CPNE4: variants seen among roughly 807,000 people sequenced by gnomAD.
CPNE4 encodes the protein copine 4.
In CPNE4, 25 loss-of-function variants were observed where a neutral mutation model predicts 67.9. The observed-to-expected ratio is 0.37, with a 90% CI of 0.27 to 0.51. The LOEUF is 0.51. CPNE4 is among the 20% of genes least tolerant of loss of function. CPNE4 has a pLI of 0.93. For missense variants in CPNE4, 464 were observed against 690.8 expected, an observed-to-expected ratio of 0.67 and a Z score of 3.68; for synonymous variants, 242 against 244.9, an observed-to-expected ratio of 0.99 and a Z score of 0.11.
At chr3:131,687,709 G>T (rs1250532654) in intron 5 of CPNE4, among the ~76,000 whole-genome samples, 2 of 152,180 alleles carry the variant, frequency 1.3e-5, no homozygotes, top group African/African-American at 4.8e-5. Context: ...GACATATACT[G>T]ATCACAGAGT....
At chr3:131,674,182 T>C (rs2080499952) in intron 6 of CPNE4, among the ~76,000 whole-genome samples, 1 of 152,090 alleles carries the variant, frequency 6.6e-6, no homozygotes, top group Admixed American at 6.6e-5. Flanking sequence ...TCATGGTGCA[T>C]GATCTTTTTC....
intron 7 of CPNE4, among the ~76,000 whole-genome samples, chr3:131,607,110 A>G (rs772892716): frequency 1.3e-5 from 2 of 151,784 alleles, no homozygotes; most frequent in African/African-American, 2.4e-5. Context: ...CTCCTCCTCT[A>G]AACAATAATT....
intron 7 of CPNE4, among the ~76,000 whole-genome samples, chr3:131,650,074 C>G (rs1245896085): frequency 1.3e-5 from 2 of 152,116 alleles, no homozygotes; most frequent in African/African-American, 4.8e-5. Flanking sequence ...GACAGAGTCT[C>G]TGTTGCTTGG....
At chr3:131,713,350 G>A (rs1213192658) in intron 3 of CPNE4, among the ~76,000 whole-genome samples, 1 of 152,112 alleles carries the variant, frequency 6.6e-6, no homozygotes, top group East Asian at 1.9e-4. Flanking sequence ...TAGGTAGAAT[G>A]ATACCATCTA....
chr3:131,707,611 G>A (rs1392173659), intron 3 of CPNE4, among the ~76,000 whole-genome samples: 1 of 152,162 alleles, frequency 6.6e-6, no homozygotes, highest in Non-Finnish European at 1.5e-5. Context: ...AATCCAGACA[G>A]TCCAGTTCCA....
At chr3:131,582,252 C>T (rs1324205960) in intron 8 of CPNE4, among the ~76,000 whole-genome samples, 1 of 152,076 alleles carries the variant, frequency 6.6e-6, no homozygotes, top group Non-Finnish European at 1.5e-5. Flanking sequence ...GCTTATGTCC[C>T]AAAAGTGACA....
chr3:131,855,717 T>C (rs78466003), intron 2 of CPNE4, among the ~76,000 whole-genome samples: 11,607 of 151,798 alleles, frequency 0.076, 576 homozygotes, highest in East Asian at 0.17. Context: ...TGTGTGTATG[T>C]GTGTGTGTGA....
intron 12 of CPNE4, among the ~76,000 whole-genome samples, chr3:131,554,622 A>G (rs181767739): frequency 2.8e-4 from 42 of 152,204 alleles, no homozygotes; most frequent in Admixed American, 2.6e-3. Context: ...TTCCTCTTTC[A>G]AAAAGGATAC....
chr3:131,681,818 A>T (rs72983675), intron 6 of CPNE4, among the ~76,000 whole-genome samples: 3,554 of 151,930 alleles, frequency 0.023, 149 homozygotes, highest in African/African-American at 0.081. Context: ...ATTTTTAAAC[A>T]TTCTTTTTTC....
chr3:131,879,924 A>G (rs1335473246), intron 2 of CPNE4, among the ~76,000 whole-genome samples: 1 of 152,098 alleles, frequency 6.6e-6, no homozygotes, highest in Non-Finnish European at 1.5e-5. Context: ...TATCTTCTCT[A>G]TAAAAATTTC....
At chr3:131,567,663 G>C (rs1378773130) in intron 10 of CPNE4, among the ~76,000 whole-genome samples, 1 of 151,882 alleles carries the variant, frequency 6.6e-6, no homozygotes, top group African/African-American at 2.4e-5. Flanking sequence ...ACTAGGGTGG[G>C]GCAAAGATGA....
intron 2 of CPNE4, among the ~76,000 whole-genome samples, chr3:131,741,262 G>A (rs1180569462): frequency 6.6e-6 from 1 of 152,108 alleles, no homozygotes; most frequent in Non-Finnish European, 1.5e-5. Context: ...TCCAAGCAGA[G>A]CAAATGCAGG....
intron 2 of CPNE4, among the ~76,000 whole-genome samples, chr3:131,755,878 C>A (rs1007848656): frequency 2.0e-5 from 3 of 152,168 alleles, no homozygotes; most frequent in African/African-American, 7.2e-5. Context: ...CACTCTGCAA[C>A]AATTTCAAAC....
rs182666813 is a variant in CPNE4 at position 131,731,343 on chromosome 3, G to A, written c.181-7718C>T. 5.8e-4 allele frequency among the ~76,000 whole-genome samples: 88 copies of A among 152,250 alleles called. 2 individuals are homozygous for A. The East Asian group carries it at 7.5e-3, about 13-fold the overall frequency. ...GAAGTAAATGAAATGAGTATCCCCCGTAGGCACCATCAGAGAGGTCTCAAG... is the reference window on the plus strand; with the variant it reads ...GAAGTAAATGAAATGAGTATCCCCCATAGGCACCATCAGAGAGGTCTCAAG... On this transcript the variant is annotated intron_variant, in intron 2 of 15. Coordinates refer to ENST00000429747, the MANE Select transcript of CPNE4 (RefSeq NM_130808.3).
intron 3 of CPNE4, 119 bp downstream of exon 3, chr3:131,723,327 G>T: frequency 1.1e-6 from 1 of 905,978 alleles, no homozygotes; most frequent in Non-Finnish European, 1.7e-6. Context: ...AATGCTGCAT[G>T]TTAAAGAAAA....
chr3:131,873,341 C>T (rs1478548220), intron 2 of CPNE4, among the ~76,000 whole-genome samples: 2 of 152,060 alleles, frequency 1.3e-5, no homozygotes, highest in African/African-American at 4.8e-5. Flanking sequence ...TCTGACTAGA[C>T]CCTGATTGAT....
At chr3:131,792,511 T>G (rs1039814562) in intron 2 of CPNE4, among the ~76,000 whole-genome samples, 1 of 149,980 alleles carries the variant, frequency 6.7e-6, no homozygotes, top group African/African-American at 2.4e-5. Context: ...ATATACCTGA[T>G]CTCTCTCCTA....
At chr3:131,706,623 C>T (rs919909840) in intron 3 of CPNE4, among the ~76,000 whole-genome samples, 3 of 152,166 alleles carry the variant, frequency 2.0e-5, no homozygotes, top group East Asian at 3.9e-4. Flanking sequence ...ATACCCTCCT[C>T]CCTTTTGGGA....
intron 2 of CPNE4, among the ~76,000 whole-genome samples, chr3:131,764,234 G>A (rs769253351): frequency 3.3e-5 from 5 of 151,144 alleles, no homozygotes; most frequent in Non-Finnish European, 7.4e-5. Flanking sequence ...GCAAAAAAAA[G>A]CAGGTTATAA....
Sources: gnomAD v4.1 joint callset for allele counts (sites outside exome capture counted in the v4.1 genomes callset) on GRCh38, gnomAD v4.1.1 for gene constraint, MANE v1.5 for transcripts, NCBI Gene and HGNC (gene_info 2026-07-23, HGNC 2026-07-21) for gene names.